Variants in ELFN2 observed in about 807,000 individuals in gnomAD.
ELFN2 encodes the protein extracellular leucine rich repeat and fibronectin type III domain containing 2.
Under a neutral mutation model 45.5 loss-of-function variants are expected in ELFN2, and 17 were observed. That is an observed-to-expected ratio of 0.37 (90% confidence interval 0.26 to 0.56). ELFN2 has a LOEUF of 0.56. Ranked by LOEUF, ELFN2 falls within the 20% of genes least tolerant of loss-of-function variation. The pLI, the probability that ELFN2 is intolerant of heterozygous loss-of-function variation, is 0.77. For missense variants in ELFN2, 922 were observed against 1,183.2 expected, an observed-to-expected ratio of 0.78 and a Z score of 3.24; for synonymous variants, 550 against 551.5, an observed-to-expected ratio of 1.00 and a Z score of 0.04.
At chr22:37,364,314 G>A (rs1262323484), downstream of ELFN2, among the ~76,000 whole-genome samples, 3 of 152,198 alleles carry the variant, frequency 2.0e-5, no homozygotes, top group Non-Finnish European at 4.4e-5. Context: ...CAGGCACAGG[G>A]CCACGGGGCA....
intron 1 of ELFN2, among the ~76,000 whole-genome samples, chr22:37,357,864 C>A (rs935142735): frequency 2.6e-5 from 4 of 152,214 alleles, no homozygotes; most frequent in African/African-American, 7.2e-5. Flanking sequence ...TCTGTACTGT[C>A]ATCGACTTCC....
At position 37,371,460 on chromosome 22, in the gene ELFN2, CA is replaced by C. The variant is rs1454463019; in HGVS notation, c.*1611del. On this transcript the variant is annotated 3_prime_UTR_variant, in exon 3 of 3. Transcript: ENST00000402918. This position sits in a 1 kb window ranked among gnomAD's most constrained non-coding sequence, Gnocchi z 6.4. ...GCAAAGCTGCTAGTAGAGGCGTCCC[CA>C]CACCCCGCTGGGCCAGCTCCCACCC... 6.6e-5 allele frequency: 10 copies of C among 152,310 alleles called. No homozygotes were observed. The highest frequency in any genetic ancestry group is 1.3e-4 in the Non-Finnish European group (9 of 68,094). The allele number at this position is 152,310 out of a possible 1,614,324, so 9.4% of individuals were successfully genotyped here.
chr22:37,385,847 G>A (rs1365975409), intron 2 of ELFN2, among the ~76,000 whole-genome samples: 4 of 152,194 alleles, frequency 2.6e-5, no homozygotes, highest in Non-Finnish European at 5.9e-5. Context: ...CATTTAGGGA[G>A]GGAGGTCTCC....
chr22:37,413,786 C>T (rs1466126561), intron 2 of ELFN2, among the ~76,000 whole-genome samples: 1 of 152,188 alleles, frequency 6.6e-6, no homozygotes, highest in Non-Finnish European at 1.5e-5. Flanking sequence ...TTTCTTTTGA[C>T]AATTCAGGCT....
chr22:37,427,085 T>C, intron 1 of ELFN2: 1 of 146,318 alleles, frequency 6.8e-6, no homozygotes, highest in Non-Finnish European at 1.5e-5. Context: ...CACCACCACC[T>C]CCCTCGCGCA....
intron 2 of ELFN2, among the ~76,000 whole-genome samples, chr22:37,400,395 C>T (rs1932332996): frequency 6.6e-6 from 1 of 152,240 alleles, no homozygotes; most frequent in African/African-American, 2.4e-5. Context: ...CTGAGGAGCA[C>T]CTCAGCCACC....
At chr22:37,376,869 C>G (rs1681167342) in intron 2 of ELFN2, among the ~76,000 whole-genome samples, 1 of 152,222 alleles carries the variant, frequency 6.6e-6, no homozygotes, top group Non-Finnish European at 1.5e-5. Context: ...CCCAGCTCCC[C>G]TTCCATGGCT....
rs1241483374 is a variant in ELFN2, at chr22:37,343,717, C to G, written n.149-1014G>C. On this transcript the variant is annotated intron_variant and non_coding_transcript_variant, in intron 1 of 2. Transcript: ENST00000452946. ...CCCCTTGGCTCCCAGACCCACCCCC[C>G]CCGGACCCCAGCCTCCCCAACTCAT... 6.0e-5 allele frequency among the ~76,000 whole-genome samples: 9 copies of G among 150,684 alleles called. No homozygotes were observed. The East Asian group carries it at 1.4e-3, about 23-fold the overall frequency.
At chr22:37,364,188 G>C (rs1474403997), downstream of ELFN2, among the ~76,000 whole-genome samples, 2 of 152,144 alleles carry the variant, frequency 1.3e-5, no homozygotes, top group African/African-American at 4.8e-5. Flanking sequence ...AGACAGTAAA[G>C]GCTTTCCTGG....
At chr22:37,401,187 G>A (rs935968220) in intron 2 of ELFN2, among the ~76,000 whole-genome samples, 3 of 152,212 alleles carry the variant, frequency 2.0e-5, no homozygotes, top group Non-Finnish European at 2.9e-5. Flanking sequence ...GGAGACAAAG[G>A]GTCTCCAAAA....
chr22:37,355,750 C>T (rs1364882884), intron 1 of ELFN2, among the ~76,000 whole-genome samples: 1 of 152,180 alleles, frequency 6.6e-6, no homozygotes, highest in African/African-American at 2.4e-5. Context: ...CCACTCACAC[C>T]GAGTGAACTC....
chr22:37,349,837 CAGAG>C (rs955443832), intron 1 of ELFN2, among the ~76,000 whole-genome samples: 3 of 151,174 alleles, frequency 2.0e-5, no homozygotes, highest in Non-Finnish European at 4.4e-5. Flanking sequence ...AAACTTGTGT[CAGAG>C]AGAGCAACAT....
intron 2 of ELFN2, among the ~76,000 whole-genome samples, chr22:37,390,876 G>T (rs1373726635): frequency 6.6e-6 from 1 of 152,224 alleles, no homozygotes; most frequent in Non-Finnish European, 1.5e-5. Flanking sequence ...GGCCCAGGGG[G>T]AGGCCCTGGA....
rs568953508 is a variant in ELFN2, at chr22:37,346,128, C to T, written n.149-3425G>A. ...GATGTGAGAATTAAGGGAGATAATT[C>T]GGGAAAAGCACTTGGCCCAGTGCCT... On this transcript the variant is annotated intron_variant and non_coding_transcript_variant, in intron 1 of 2. Transcript: ENST00000452946. Among the ~76,000 whole-genome samples the T allele has an allele frequency of 6.2e-4, 94 of 152,334 alleles. 1 individual carries two copies. Among genetic ancestry groups the T allele is most frequent in the African/African-American group, 2.1e-3 (89 of 41,572 alleles).
chr22:37,366,699 C>A (rs751395022), downstream of ELFN2, among the ~76,000 whole-genome samples: 7 of 152,228 alleles, frequency 4.6e-5, no homozygotes, highest in Non-Finnish European at 1.0e-4. Context: ...ATGTGTCCCA[C>A]CGTCCTCCTC....
At chr22:37,351,778 G>A (rs1009980745) in intron 1 of ELFN2, among the ~76,000 whole-genome samples, 1 of 150,956 alleles carries the variant, frequency 6.6e-6, no homozygotes, top group Admixed American at 6.6e-5. Flanking sequence ...AGCCAACACA[G>A]AGGGCTGCCG....
At chr22:37,423,153 C>T (rs534007420) in intron 1 of ELFN2, among the ~76,000 whole-genome samples, 2 of 152,086 alleles carry the variant, frequency 1.3e-5, no homozygotes, top group Non-Finnish European at 2.9e-5. Context: ...GCCCTCCAAG[C>T]GCTGCTGTTC....
chr22:37,342,849 C>T, intron 1 of ELFN2: 1 of 152,284 alleles, frequency 6.6e-6, no homozygotes, highest in Non-Finnish European at 1.5e-5. Context: ...AGGGGCAGGG[C>T]TACCCAGGGC....
At chr22:37,351,651 C>T (rs1029978343) in intron 1 of ELFN2, among the ~76,000 whole-genome samples, 1 of 150,150 alleles carries the variant, frequency 6.7e-6, no homozygotes, top group Non-Finnish European at 1.5e-5. Flanking sequence ...GGCTGGGACT[C>T]GAGACCTGCG....
Sources: gnomAD v4.1 joint callset for allele counts (sites outside exome capture counted in the v4.1 genomes callset) on GRCh38, gnomAD v4.1.1 for gene constraint, Gnocchi (gnomAD v3.1) non-coding constraint, MANE v1.5 for transcripts, NCBI Gene and HGNC (gene_info 2026-07-23, HGNC 2026-07-21) for gene names.